The following CLCN3 variants were observed in gnomAD, a reference collection of about 807,000 sequenced individuals.
CLCN3 encodes Cl-/H+ antiporter 3.
A neutral mutation model predicts 83.4 loss-of-function variants in CLCN3; 16 were observed. The observed-to-expected ratio is 0.19, with a 90% confidence interval of 0.13 to 0.29. CLCN3 has a LOEUF of 0.29. Among genes scored for constraint, CLCN3 ranks in the 10% least tolerant of loss-of-function variants. The pLI is 1.00. For missense variants in CLCN3, 544 were observed against 1,006.0 expected (o/e 0.54, Z 6.21); for synonymous variants, 322 against 346.2 (o/e 0.93, Z 0.78).
chr4:169,649,501 G>T (rs1447320089), intron 2 of CLCN3, among the ~76,000 whole-genome samples: 1 of 152,214 alleles, frequency 6.6e-6, no homozygotes, highest in African/African-American at 2.4e-5. Flanking sequence ...TATAGGTAGT[G>T]ATAGAGAGTA....
At chr4:169,709,616 T>C (rs1581279487) in intron 11 of CLCN3, among the ~76,000 whole-genome samples, 1 of 148,766 alleles carries the variant, frequency 6.7e-6, no homozygotes, top group Non-Finnish European at 1.5e-5. Flanking sequence ...ACCTGGGAGG[T>C]GGAGATTGCA....
At chr4:169,712,438 C>T (rs1733258587) in intron 11 of CLCN3, among the ~76,000 whole-genome samples, 1 of 151,942 alleles carries the variant, frequency 6.6e-6, no homozygotes. Context: ...AAGCAGAGCA[C>T]ACTGGAGAGG....
intron 3 of CLCN3, among the ~76,000 whole-genome samples, chr4:169,685,353 G>A (rs1169554404): frequency 6.6e-6 from 1 of 152,074 alleles, no homozygotes; most frequent in African/African-American, 2.4e-5. Context: ...AAGAAGTCTA[G>A]TTTCTATCTC....
intron 1 of CLCN3, among the ~76,000 whole-genome samples, chr4:169,623,171 C>T (rs1013263535): frequency 6.6e-6 from 1 of 152,164 alleles, no homozygotes; most frequent in African/African-American, 2.4e-5. Flanking sequence ...CGAACAGTTT[C>T]TGTCTTTTAA....
chr4:169,645,105 C>T (rs1011882324), intron 2 of CLCN3, among the ~76,000 whole-genome samples: 2 of 152,158 alleles, frequency 1.3e-5, no homozygotes, highest in Admixed American at 6.5e-5. Flanking sequence ...CAGTAGGAAA[C>T]GGACACGGAT....
chr4:169,641,170 G>A (rs555531889), intron 2 of CLCN3, among the ~76,000 whole-genome samples: 5 of 152,264 alleles, frequency 3.3e-5, no homozygotes, highest in African/African-American at 9.6e-5. Context: ...CAAGAGGATT[G>A]CTTGAGCCCA....
At chr4:169,685,270 A>G (rs531254621) in intron 3 of CLCN3, among the ~76,000 whole-genome samples, 10 of 152,124 alleles carry the variant, frequency 6.6e-5, no homozygotes, top group Non-Finnish European at 1.5e-4. Flanking sequence ...TTTTAGATTT[A>G]GTTTTGTTTT....
chr4:169,639,312 A>G (rs1730335432), intron 2 of CLCN3, among the ~76,000 whole-genome samples: 1 of 152,352 alleles, frequency 6.6e-6, no homozygotes, highest in East Asian at 1.9e-4. Flanking sequence ...GATTACAGGC[A>G]TGAGCCACTG....
chr4:169,673,688 TA>T (rs1731566360), intron 2 of CLCN3, among the ~76,000 whole-genome samples: 1 of 152,192 alleles, frequency 6.6e-6, no homozygotes, highest in Admixed American at 6.5e-5. Context: ...GGCTTTTTCT[TA>T]AAGTAACTTC....
intron 2 of CLCN3, among the ~76,000 whole-genome samples, chr4:169,640,182 G>A (rs1317712841): frequency 6.6e-6 from 1 of 152,032 alleles, no homozygotes; most frequent in South Asian, 2.1e-4. Context: ...CTTTCCCTTT[G>A]GATATGTTAG....
At chr4:169,709,282 A>G (rs1733109108) in intron 11 of CLCN3, among the ~76,000 whole-genome samples, 1 of 151,666 alleles carries the variant, frequency 6.6e-6, no homozygotes, top group African/African-American at 2.4e-5. Flanking sequence ...GCTAAACTAG[A>G]TAGATTCTCC....
intron 8 of CLCN3, among the ~76,000 whole-genome samples, chr4:169,696,830 G>C (rs78549240): frequency 5.0e-5 from 7 of 140,878 alleles, no homozygotes; most frequent in African/African-American, 1.5e-4. Flanking sequence ...TTTTTTTAAT[G>C]TAGAAGAGGC....
chr4:169,641,259 G>A (rs1730404940), intron 2 of CLCN3, among the ~76,000 whole-genome samples: 1 of 152,058 alleles, frequency 6.6e-6, no homozygotes, highest in Non-Finnish European at 1.5e-5. Flanking sequence ...GTGAAACCCA[G>A]TCTCTAAATA....
intron 2 of CLCN3, among the ~76,000 whole-genome samples, chr4:169,646,505 A>G (rs1177705457): frequency 6.6e-6 from 1 of 152,008 alleles, no homozygotes; most frequent in Non-Finnish European, 1.5e-5. Context: ...TATGTTGGCC[A>G]GGCTGGTCTC....
chr4:169,670,840 A>G (rs1157540593), intron 2 of CLCN3, among the ~76,000 whole-genome samples: 1 of 152,132 alleles, frequency 6.6e-6, no homozygotes, highest in Non-Finnish European at 1.5e-5. Flanking sequence ...CGTCTCTTTT[A>G]AGTTGTACTC....
At chr4:169,642,682 C>T (rs892271872) in intron 2 of CLCN3, 2 of 152,210 alleles carry the variant, frequency 1.3e-5, no homozygotes, top group African/African-American at 4.8e-5. Flanking sequence ...CCACACCTGG[C>T]TAATTGTTTT....
chr4:169,721,803 T>C lies in CLCN3; in HGVS notation c.*1806T>C, dbSNP rs1281103734. ...AGGACTGGGCTAAATATTCTGTAAT[T>C]ATGCATTTTTGATAGGAAAATGAAA... is the stretch of plus-strand genomic sequence containing the variant. On this transcript the variant is annotated 3_prime_UTR_variant, in exon 13 of 13. Transcript: ENST00000513761. The C allele has an allele frequency of 6.6e-6, 1 of 152,172 alleles. No homozygotes were observed. The highest frequency in any genetic ancestry group is 6.5e-5 in the Admixed American group (1 of 15,274). 9.4% of individuals were successfully genotyped at this position (152,172 alleles called of 1,614,324 possible).
intron 11 of CLCN3, among the ~76,000 whole-genome samples, chr4:169,712,021 A>AT (rs564857112): frequency 0.022 from 2,472 of 114,898 alleles, 50 homozygotes; most frequent in South Asian, 0.032. Flanking sequence ...TGCTTGGCCG[A>AT]TTTTTTTTTT....
intron 2 of CLCN3, among the ~76,000 whole-genome samples, chr4:169,644,255 C>T (rs1438666425): frequency 6.6e-6 from 1 of 151,048 alleles, no homozygotes; most frequent in Non-Finnish European, 1.5e-5. Context: ...AATATAACAA[C>T]TGCTTTTTTT....
Sources: gnomAD v4.1 joint callset for allele counts (sites outside exome capture counted in the v4.1 genomes callset) on GRCh38, gnomAD v4.1.1 for gene constraint, MANE v1.5 for transcripts, NCBI Gene and HGNC (gene_info 2026-07-23, HGNC 2026-07-21) for gene names.